Variants in PAM observed in about 807,000 individuals in gnomAD.
PAM encodes peptidyl-glycine alpha-amidating monooxygenase.
Under a neutral mutation model 122.1 loss-of-function variants are expected in PAM, and 72 were observed. The ratio of observed to expected loss-of-function variants is 0.59; its 90% CI spans 0.49 to 0.72. The LOEUF (loss-of-function observed/expected upper bound fraction) is 0.72, where lower values mean the gene tolerates loss of function less well. Ranked by LOEUF, PAM falls within the 30% of genes least tolerant of loss-of-function variation. The pLI is 0.00. For synonymous variants in PAM, 389 were observed against 404.4 expected, an observed-to-expected ratio of 0.96 and a Z score of 0.46; for missense variants, 1,106 against 1,183.7, an observed-to-expected ratio of 0.93 and a Z score of 0.96.
intron 4 of PAM, among the ~76,000 whole-genome samples, chr5:102,910,361 G>A (rs1163285275): frequency 2.0e-5 from 3 of 151,794 alleles, no homozygotes; most frequent in South Asian, 4.1e-4. Context: ...TATTTCAGAC[G>A]ACATTATCCT....
intron 5 of PAM, among the ~76,000 whole-genome samples, chr5:102,920,386 G>T (rs188869614): frequency 2.6e-5 from 4 of 152,152 alleles, no homozygotes; most frequent in Non-Finnish European, 5.9e-5. Context: ...TGCTTTTATG[G>T]ACTTACTGCC....
intron 7 of PAM, among the ~76,000 whole-genome samples, chr5:102,938,872 CAGGCT>C (rs1208304266): frequency 1.3e-5 from 2 of 152,290 alleles, no homozygotes; most frequent in South Asian, 4.1e-4. Context: ...CCCACTCCCA[CAGGCT>C]TCCTGCCTTT....
chr5:102,799,545 C>G (rs185418), intron 1 of PAM, among the ~76,000 whole-genome samples: 1 of 152,160 alleles, frequency 6.6e-6, no homozygotes, highest in African/African-American at 2.4e-5. Context: ...CCACATATTT[C>G]TTAGCTATAG....
At chr5:102,862,586 A>G (rs974212702) in intron 1 of PAM, among the ~76,000 whole-genome samples, 3 of 152,212 alleles carry the variant, frequency 2.0e-5, no homozygotes, top group Non-Finnish European at 2.9e-5. Context: ...AGTAATTTCT[A>G]TAAGAGTGGG....
chr5:102,926,402 TGAG>T (rs1177681780), intron 6 of PAM, among the ~76,000 whole-genome samples, 180 bp from the exon 7 acceptor site: 4 of 152,258 alleles, frequency 2.6e-5, no homozygotes, highest in Admixed American at 2.0e-4. Flanking sequence ...ATCATAGTTT[TGAG>T]GAGATTATAA....
rs184251806 is a variant in PAM at position 102,849,635 on chromosome 5, A to T, written c.-373-16188A>T. Among the ~76,000 whole-genome samples, 110 of 152,072 alleles carry T rather than the reference A, an allele frequency of 7.2e-4. 1 individual carries two copies. The highest frequency in any genetic ancestry group is 2.4e-3 in the African/African-American group (100 of 41,510). On this transcript the variant is annotated intron_variant, in intron 1 of 25. Coordinates refer to ENST00000438793, the MANE Select transcript of PAM (RefSeq NM_001177306.2). ...CATGGGACACTACTTGGTTCAGTGG[A>T]GAGCATTAGTTATATAGTTTAGCAA... is the stretch of plus-strand genomic sequence containing the variant.
At chr5:102,902,314 A>G (rs1798201972) in intron 4 of PAM, among the ~76,000 whole-genome samples, 1 of 151,564 alleles carries the variant, frequency 6.6e-6, no homozygotes, top group African/African-American at 2.4e-5. Context: ...AATGGACATT[A>G]TAGACCTGCA....
intron 1 of PAM, among the ~76,000 whole-genome samples, chr5:102,773,247 T>G (rs1431384777): frequency 6.6e-6 from 1 of 152,146 alleles, no homozygotes; most frequent in East Asian, 1.9e-4. Flanking sequence ...AGTATGAAGA[T>G]ATATAGTTGT....
chr5:102,917,860 AAAAT>A (rs1745976218), intron 5 of PAM, among the ~76,000 whole-genome samples: 1 of 152,206 alleles, frequency 6.6e-6, no homozygotes, highest in African/African-American at 2.4e-5. Flanking sequence ...AGTTTATATA[AAAAT>A]AGTAGACACA....
At chr5:102,851,767 G>A (rs1025022590) in intron 1 of PAM, among the ~76,000 whole-genome samples, 2 of 152,030 alleles carry the variant, frequency 1.3e-5, no homozygotes, top group Admixed American at 6.6e-5. Flanking sequence ...AGAGAAATAC[G>A]GCATGTTAGT....
intron 23 of PAM, 63 bp downstream of exon 23, chr5:103,019,906 C>T: frequency 6.4e-6 from 6 of 940,718 alleles, no homozygotes; most frequent in Admixed American, 1.7e-5. Flanking sequence ...TCTTTTATGG[C>T]CCTTGATTGC....
intron 1 of PAM, among the ~76,000 whole-genome samples, chr5:102,839,536 CA>C (rs34092506): frequency 0.035 from 2,862 of 81,152 alleles, 30 homozygotes; most frequent in Admixed American, 0.059. Flanking sequence ...GGCTCAGTCT[CA>C]AAAAAAAAAA....
intron 1 of PAM, among the ~76,000 whole-genome samples, chr5:102,804,530 C>A (rs555072691): frequency 3.9e-5 from 6 of 152,200 alleles, no homozygotes; most frequent in African/African-American, 1.4e-4. Context: ...TTCATTAAGT[C>A]AGTATGAATT....
chr5:102,993,350 T>G (rs1177328348), intron 16 of PAM, among the ~76,000 whole-genome samples: 3 of 152,058 alleles, frequency 2.0e-5, no homozygotes, highest in East Asian at 3.9e-4. Flanking sequence ...GTTCCTGAGT[T>G]TCTGTCTTAA....
chr5:102,926,995 A>G (rs1308815343), intron 7 of PAM, among the ~76,000 whole-genome samples: 1 of 151,944 alleles, frequency 6.6e-6, no homozygotes, highest in Non-Finnish European at 1.5e-5. Flanking sequence ...GTTGGAAAGC[A>G]TAGGAAGGTA....
chr5:102,903,174 T>C (rs1798519028), intron 4 of PAM, among the ~76,000 whole-genome samples: 2 of 151,572 alleles, frequency 1.3e-5, no homozygotes, highest in Admixed American at 6.6e-5. Flanking sequence ...TTAATAACTA[T>C]TTTCAGTATT....
intron 3 of PAM, among the ~76,000 whole-genome samples, chr5:102,892,858 C>T (rs1280230792): frequency 6.6e-6 from 1 of 151,690 alleles, no homozygotes; most frequent in African/African-American, 2.4e-5. Context: ...AGTAAAAGTG[C>T]AAATAATACA....
chr5:103,013,224 T>C (rs984382809), intron 21 of PAM, among the ~76,000 whole-genome samples: 15 of 152,208 alleles, frequency 9.9e-5, no homozygotes, highest in African/African-American at 3.6e-4. Context: ...CCTTCTTGTG[T>C]GTGTCCTCTT....
chr5:102,968,746 A>T lies in PAM; in HGVS notation c.1163-5370A>T, dbSNP rs544697877. Among the ~76,000 whole-genome samples, 5 of 152,236 alleles carry T rather than the reference A, an allele frequency of 3.3e-5. No individual in the cohort carries two copies. In the East Asian group the frequency reaches 5.8e-4, roughly 18 times the overall value. On this transcript the variant is annotated intron_variant, in intron 14 of 25. Coordinates refer to ENST00000438793, the MANE Select transcript of PAM (RefSeq NM_001177306.2). The stretch of plus-strand genomic sequence containing the variant: ...AAATAGAAAATACCACCCAGAATAT[A>T]CCCAAGGATTTTAAATCATTCTACT...
Sources: allele counts gnomAD v4.1 joint callset (sites outside exome capture counted in the v4.1 genomes callset), GRCh38; gene constraint gnomAD v4.1.1; transcripts MANE v1.5; gene names NCBI Gene and HGNC (gene_info 2026-07-23, HGNC 2026-07-21).